The following LRRC8D variants were observed in gnomAD, a reference collection of about 807,000 sequenced individuals.
LRRC8D encodes the protein volume-regulated anion channel subunit LRRC8D.
Under a neutral mutation model 55.8 loss-of-function variants are expected in LRRC8D, and 20 were observed. That is an observed-to-expected ratio of 0.36 (90% CI 0.25 to 0.52). The LOEUF is 0.52. LRRC8D is among the 20% of genes least tolerant of loss of function. LRRC8D has a pLI of 0.93. For missense variants in LRRC8D, 651 were observed against 1,030.8 expected, an observed-to-expected ratio of 0.63 and a Z score of 5.05; for synonymous variants, 352 against 377.0, an observed-to-expected ratio of 0.93 and a Z score of 0.77.
intron 2 of LRRC8D, among the ~76,000 whole-genome samples, chr1:89,844,901 T>G (rs1312965714): frequency 6.6e-6 from 1 of 152,228 alleles, no homozygotes; most frequent in African/African-American, 2.4e-5. Context: ...ATTAAATGTT[T>G]GAGCCCTGTT....
At chr1:89,838,210 A>AGG (rs1178382029) in intron 1 of LRRC8D, among the ~76,000 whole-genome samples, 5 of 25,150 alleles carry the variant, frequency 2.0e-4, no homozygotes, top group Middle Eastern at 0.033. Flanking sequence ...AAAAAAAAAA[A>AGG]GGGGGGAAAA....
intron 2 of LRRC8D, among the ~76,000 whole-genome samples, chr1:89,915,404 G>A (rs1426356805): frequency 2.0e-5 from 3 of 152,144 alleles, no homozygotes; most frequent in Non-Finnish European, 2.9e-5. Context: ...ATAATGATCC[G>A]TGTTTACTGT....
intron 2 of LRRC8D, among the ~76,000 whole-genome samples, chr1:89,907,383 G>A (rs759946313): frequency 6.6e-6 from 1 of 151,906 alleles, no homozygotes; most frequent in Non-Finnish European, 1.5e-5. Context: ...TAGAGACGGG[G>A]TTTTGCCATG....
intron 1 of LRRC8D, among the ~76,000 whole-genome samples, chr1:89,842,258 G>A (rs1049077776): frequency 2.1e-4 from 31 of 150,668 alleles, no homozygotes; most frequent in African/African-American, 6.8e-4. Flanking sequence ...GTAGGAATTC[G>A]CAGTGTAGGG....
Position 89,927,488 on chromosome 1 carries a change from G to A in LRRC8D, c.-2-5579G>A, listed in dbSNP as rs540072801. ...TTACAATTTAGAGCTAATACAAATG[G>A]TGCTGCTATGAGCATTCTCATACAT... On this transcript the variant is annotated intron_variant, in intron 2 of 2. Coordinates refer to ENST00000337338, the MANE Select transcript of LRRC8D (RefSeq NM_001134479.2). 4.6e-5 allele frequency among the ~76,000 whole-genome samples: 7 copies of A among 152,296 alleles called. No individual in the cohort carries two copies. The East Asian group carries it at 1.3e-3, about 29-fold the overall frequency.
intron 2 of LRRC8D, among the ~76,000 whole-genome samples, chr1:89,906,793 G>A (rs114983867): frequency 0.011 from 1,632 of 152,198 alleles, 36 homozygotes; most frequent in African/African-American, 0.037. Flanking sequence ...GACTACAGAA[G>A]TGAACGGTCA....
chr1:89,848,710 T>G (rs1485770729), intron 2 of LRRC8D, among the ~76,000 whole-genome samples: 2 of 151,876 alleles, frequency 1.3e-5, no homozygotes. Context: ...TTTTTGGGGT[T>G]TTTTTTTGAG....
intron 1 of LRRC8D, among the ~76,000 whole-genome samples, chr1:89,831,469 C>T (rs1313441250): frequency 6.6e-6 from 1 of 151,750 alleles, no homozygotes; most frequent in African/African-American, 2.4e-5. Context: ...GTGGGACACA[C>T]ACAGAGAGAG....
intron 1 of LRRC8D, among the ~76,000 whole-genome samples, chr1:89,825,271 C>T (rs115131207): frequency 0.01 from 1,560 of 152,232 alleles, 27 homozygotes; most frequent in African/African-American, 0.035. Flanking sequence ...GGCTAATTAG[C>T]CCTTATTTTG....
intron 2 of LRRC8D, among the ~76,000 whole-genome samples, chr1:89,920,715 A>C (rs1226690969): frequency 6.6e-6 from 1 of 151,004 alleles, no homozygotes; most frequent in African/African-American, 2.5e-5. Context: ...AAAAAAAAAA[A>C]ACTAAATCAT....
intron 2 of LRRC8D, among the ~76,000 whole-genome samples, chr1:89,883,174 C>T (rs1310783428): frequency 6.6e-6 from 1 of 151,980 alleles, no homozygotes. Flanking sequence ...TGCACTTTCA[C>T]CGGGGCAGCT....
intron 2 of LRRC8D, among the ~76,000 whole-genome samples, chr1:89,892,190 G>A (rs1662594390): frequency 6.6e-6 from 1 of 152,190 alleles, no homozygotes; most frequent in Non-Finnish European, 1.5e-5. Flanking sequence ...CAGTGCTGCT[G>A]CTGTTAAGCC....
At chr1:89,917,216 A>G (rs1442926153) in intron 2 of LRRC8D, among the ~76,000 whole-genome samples, 2 of 152,124 alleles carry the variant, frequency 1.3e-5, no homozygotes, top group African/African-American at 4.8e-5. Flanking sequence ...CCATTAATCT[A>G]TCCATTTTAT....
intron 2 of LRRC8D, among the ~76,000 whole-genome samples, chr1:89,863,080 G>A (rs1458331793): frequency 6.6e-6 from 1 of 152,176 alleles, no homozygotes; most frequent in East Asian, 1.9e-4. Flanking sequence ...GATGAAGAGT[G>A]GATTCAGATA....
At chr1:89,880,549 T>G (rs114711363) in intron 2 of LRRC8D, among the ~76,000 whole-genome samples, 4,846 of 152,094 alleles carry the variant, frequency 0.032, 116 homozygotes, top group Non-Finnish European at 0.049. Flanking sequence ...GTAATAAAAT[T>G]TCCCCATGAG....
intron 1 of LRRC8D, among the ~76,000 whole-genome samples, chr1:89,826,307 C>A (rs1239404309): frequency 1.3e-5 from 2 of 151,872 alleles, no homozygotes; most frequent in Non-Finnish European, 2.9e-5. Flanking sequence ...CTCTGTCGCC[C>A]AGGCTGGAGT....
intron 2 of LRRC8D, among the ~76,000 whole-genome samples, chr1:89,916,732 G>T (rs1663278358): frequency 6.6e-6 from 1 of 151,110 alleles, no homozygotes; most frequent in Non-Finnish European, 1.5e-5. Flanking sequence ...AAGCCTTCAT[G>T]ATCTTTATTT....
intron 2 of LRRC8D, among the ~76,000 whole-genome samples, chr1:89,849,098 A>G (rs904365665): frequency 3.3e-5 from 5 of 152,176 alleles, no homozygotes; most frequent in Non-Finnish European, 7.4e-5. Context: ...GCAGTCTCCA[A>G]CACTAAAACA....
At position 89,907,506 on chromosome 1, in the gene LRRC8D, T is replaced by A. The variant is rs144943682; in HGVS notation, c.-2-25561T>A. Among the ~76,000 whole-genome samples, 23 of 152,216 alleles carry A rather than the reference T, an allele frequency of 1.5e-4. No homozygotes were observed. The East Asian group carries it at 3.7e-3, about 24-fold the overall frequency. On this transcript the variant is annotated intron_variant, in intron 2 of 2. Coordinates refer to ENST00000337338, the MANE Select transcript of LRRC8D (RefSeq NM_001134479.2). ...TGTCCGGCCAGTCAGTTGTTTTAAATCGTGTATTGCCTATGAGCAGATGAG... is the reference window on the plus strand; with the variant it reads ...TGTCCGGCCAGTCAGTTGTTTTAAAACGTGTATTGCCTATGAGCAGATGAG...
Sources: allele counts gnomAD v4.1 joint callset (sites outside exome capture counted in the v4.1 genomes callset), GRCh38; gene constraint gnomAD v4.1.1; transcripts MANE v1.5; gene names NCBI Gene and HGNC (gene_info 2026-07-23, HGNC 2026-07-21).